The following CHRM3 variants were observed in gnomAD, a reference collection of about 807,000 sequenced individuals.
The protein encoded by CHRM3 is muscarinic acetylcholine receptor M3.
A neutral mutation model predicts 41.8 loss-of-function variants in CHRM3; 11 were observed. That is an observed-to-expected ratio of 0.26 (90% CI 0.17 to 0.44). CHRM3 has a LOEUF of 0.44. Ranked by LOEUF, CHRM3 falls within the 20% of genes least tolerant of loss-of-function variation. CHRM3 has a pLI of 1.00. For synonymous variants in CHRM3, 297 were observed against 301.4 expected, an observed-to-expected ratio of 0.99 and a Z score of 0.15; for missense variants, 571 against 745.4, an observed-to-expected ratio of 0.77 and a Z score of 2.72.
At chr1:239,520,694 G>C (rs757005853) in intron 2 of CHRM3, among the ~76,000 whole-genome samples, 4 of 152,172 alleles carry the variant, frequency 2.6e-5, no homozygotes, top group African/African-American at 9.7e-5. Flanking sequence ...TAGCAGGTGT[G>C]TCATAATTTA....
intron 4 of CHRM3, among the ~76,000 whole-genome samples, chr1:239,639,665 T>G (rs1214142571): frequency 2.6e-5 from 4 of 151,894 alleles, no homozygotes; most frequent in Admixed American, 6.6e-5. Flanking sequence ...GATTTTGGGC[T>G]GAGACAATGG....
chr1:239,638,550 A>G (rs1278399095), intron 4 of CHRM3, among the ~76,000 whole-genome samples: 13 of 152,174 alleles, frequency 8.5e-5, no homozygotes, highest in Non-Finnish European at 1.6e-4. Context: ...TTTTGGCTGC[A>G]TGAATGTCTT....
chr1:239,807,987 A>G (rs1279537289), intron 5 of CHRM3, among the ~76,000 whole-genome samples: 1 of 152,176 alleles, frequency 6.6e-6, no homozygotes, highest in African/African-American at 2.4e-5. Context: ...CTGTTCTGCA[A>G]TGAATATTCA....
At chr1:239,818,691 G>C (rs967432096) in intron 5 of CHRM3, among the ~76,000 whole-genome samples, 10 of 152,106 alleles carry the variant, frequency 6.6e-5, no homozygotes, top group African/African-American at 2.4e-4. Context: ...GCTTTTATTT[G>C]CAATTCTAGA....
At chr1:239,569,775 AGT>A (rs1454485969) in intron 3 of CHRM3, among the ~76,000 whole-genome samples, 1 of 152,154 alleles carries the variant, frequency 6.6e-6, no homozygotes, top group East Asian at 1.9e-4. Context: ...GACTGGGTCA[AGT>A]GTCTCCTTGC....
Position 239,847,424 on chromosome 1 carries a change from G to C in CHRM3, c.-20+20046G>C, listed in dbSNP as rs567648585. Among the ~76,000 whole-genome samples, 9 of 152,092 alleles carry C rather than the reference G, an allele frequency of 5.9e-5. No individual in the cohort carries two copies. In the South Asian group the frequency reaches 1.9e-3, roughly 32 times the overall value. On this transcript the variant is annotated intron_variant, in intron 6 of 6. Transcript: ENST00000676153. ...TACATAAACATTTATATTTGATGTCGATACATTTAATTATTATTTACAATG... is the reference window on the plus strand; with the variant it reads ...TACATAAACATTTATATTTGATGTCCATACATTTAATTATTATTTACAATG...
intron 6 of CHRM3, among the ~76,000 whole-genome samples, chr1:239,900,482 T>C (rs1558223872): frequency 6.6e-6 from 1 of 151,480 alleles, no homozygotes; most frequent in African/African-American, 2.4e-5. Flanking sequence ...CAGAGAACAG[T>C]CCTTTTAATG....
At chr1:239,586,874 GA>G (rs1663464018) in intron 3 of CHRM3, among the ~76,000 whole-genome samples, 1 of 152,158 alleles carries the variant, frequency 6.6e-6, no homozygotes, top group South Asian at 2.1e-4. Context: ...GTCTGGTAGA[GA>G]CCAAGAGAAA....
chr1:239,495,067 G>C (rs191582461), intron 2 of CHRM3, among the ~76,000 whole-genome samples: 1 of 152,092 alleles, frequency 6.6e-6, no homozygotes, highest in African/African-American at 2.4e-5. Flanking sequence ...ATTTCTGACT[G>C]TACTAAGACA....
chr1:239,778,816 T>C (rs1572264580), intron 5 of CHRM3, among the ~76,000 whole-genome samples: 1 of 152,332 alleles, frequency 6.6e-6, no homozygotes, highest in South Asian at 2.1e-4. Context: ...TGCCAGGTCC[T>C]ATTCATTTTG....
chr1:239,597,801 T>C (rs995752434), intron 3 of CHRM3, among the ~76,000 whole-genome samples: 4 of 150,770 alleles, frequency 2.7e-5, no homozygotes, highest in African/African-American at 7.3e-5. Flanking sequence ...CCTAAACTTG[T>C]TGATGGGATT....
chr1:239,417,915 T>A (rs1284661645), intron 1 of CHRM3, among the ~76,000 whole-genome samples: 1 of 152,178 alleles, frequency 6.6e-6, no homozygotes, highest in Non-Finnish European at 1.5e-5. Flanking sequence ...GAATTTCTTA[T>A]TTACCGTCAC....
intron 5 of CHRM3, among the ~76,000 whole-genome samples, chr1:239,803,851 G>A (rs1189285962): frequency 6.6e-6 from 1 of 152,182 alleles, no homozygotes; most frequent in Non-Finnish European, 1.5e-5. Context: ...CACCCTCTCA[G>A]AACCACCTAT....
At chr1:239,713,897 A>G (rs1343972295) in intron 5 of CHRM3, among the ~76,000 whole-genome samples, 1 of 152,188 alleles carries the variant, frequency 6.6e-6, no homozygotes, top group Admixed American at 6.5e-5. Context: ...ACATAAGCCC[A>G]GAGAAATGTA....
intron 3 of CHRM3, among the ~76,000 whole-genome samples, chr1:239,577,529 C>T (rs1662485383): frequency 6.6e-6 from 1 of 152,122 alleles, no homozygotes; most frequent in South Asian, 2.1e-4. Flanking sequence ...ACAAATGTTT[C>T]ACTACCATGC....
At chr1:239,419,362 CTT>C (rs55633677) in intron 1 of CHRM3, among the ~76,000 whole-genome samples, 93 of 136,540 alleles carry the variant, frequency 6.8e-4, no homozygotes, top group African/African-American at 1.0e-3. Context: ...CCGACCCAGC[CTT>C]TTTTTTTTTT....
At chr1:239,469,550 A>AT (rs1287911309) in intron 1 of CHRM3, among the ~76,000 whole-genome samples, 1 of 152,062 alleles carries the variant, frequency 6.6e-6, no homozygotes, top group East Asian at 1.9e-4. Flanking sequence ...TTTTTAAAAA[A>AT]TTTTTTTATT....
At chr1:239,561,060 G>C (rs1339272894) in intron 3 of CHRM3, among the ~76,000 whole-genome samples, 1 of 152,046 alleles carries the variant, frequency 6.6e-6, no homozygotes, top group Non-Finnish European at 1.5e-5. Context: ...CTCCTTCTTT[G>C]TGACTCTGCA....
chr1:239,437,764 A>C (rs1663389065), intron 1 of CHRM3, among the ~76,000 whole-genome samples: 1 of 152,186 alleles, frequency 6.6e-6, no homozygotes, highest in African/African-American at 2.4e-5. Context: ...ATGAGAGGCC[A>C]AAAGGTTCAC....
Sources: allele counts gnomAD v4.1 joint callset (sites outside exome capture counted in the v4.1 genomes callset), GRCh38; gene constraint gnomAD v4.1.1; transcripts MANE v1.5; gene names NCBI Gene and HGNC (gene_info 2026-07-23, HGNC 2026-07-21).